The following ATG2B variants were observed in gnomAD, a reference collection of about 807,000 sequenced individuals.
ATG2B encodes autophagy-related protein 2 homolog B.
A neutral mutation model predicts 241.3 loss-of-function variants in ATG2B; 121 were observed. The ratio of observed to expected loss-of-function variants is 0.50; its 90% CI spans 0.43 to 0.58. The LOEUF (loss-of-function observed/expected upper bound fraction) is 0.58, where lower values mean the gene tolerates loss of function less well. Among genes scored for constraint, ATG2B ranks in the 20% least tolerant of loss-of-function variants. The pLI, the probability that ATG2B is intolerant of heterozygous loss-of-function variation, is 0.00. For missense variants in ATG2B, 2,306 were observed against 2,491.6 expected, an observed-to-expected ratio of 0.93 and a Z score of 1.59; for synonymous variants, 858 against 876.6, an observed-to-expected ratio of 0.98 and a Z score of 0.37.
rs1457928679 is a variant in ATG2B at position 96,284,146 on chromosome 14, G to C, written c.*1609C>G. 12 of 152,144 alleles carry C rather than the reference G, an allele frequency of 7.9e-5. No homozygotes were observed. The highest frequency in any genetic ancestry group is 7.9e-4 in the Admixed American group (12 of 15,266). The allele number at this position is 152,144 out of a possible 1,614,324, so 9.4% of individuals were successfully genotyped here. ...AATGGAAAATGCTGGCATCTGAGCG[G>C]GGTGGTCAGAACGCACCCCACAGCC... On this transcript the variant is annotated 3_prime_UTR_variant, in exon 42 of 42. Transcript: ENST00000359933.
At chr14:96,329,427 T>C in intron 12 of ATG2B, 57 bp downstream of exon 12, 1 of 1,311,836 alleles carries the variant, frequency 7.6e-7, no homozygotes, top group Non-Finnish European at 1.0e-6. Flanking sequence ...CATACAATCA[T>C]TAAAAAGCAA....
intron 25 of ATG2B, 39 bp from the exon 26 acceptor site, chr14:96,312,198 A>G: frequency 6.9e-7 from 1 of 1,446,528 alleles, no homozygotes; most frequent in Non-Finnish European, 9.6e-7. Flanking sequence ...TGAAAAACTA[A>G]GCTTTGAGTA....
intron 34 of ATG2B, among the ~76,000 whole-genome samples, chr14:96,297,377 C>T (rs1595295529): frequency 6.6e-6 from 1 of 151,468 alleles, no homozygotes; most frequent in Non-Finnish European, 1.5e-5. Flanking sequence ...TAAAGAGATG[C>T]TAATCACCAG....
At chr14:96,327,279 G>A (rs1484932922) in intron 14 of ATG2B, among the ~76,000 whole-genome samples, 1 of 151,786 alleles carries the variant, frequency 6.6e-6, no homozygotes, top group Non-Finnish European at 1.5e-5. Context: ...ATGCTAATTT[G>A]ATGTGAATAC....
chr14:96,325,548 G>A, intron 15 of ATG2B, 101 bp downstream of exon 15: 1 of 1,051,032 alleles, frequency 9.5e-7, no homozygotes, highest in African/African-American at 1.6e-5. Context: ...TTCTTTAATT[G>A]TACTATATTG....
Position 96,309,592 on chromosome 14 carries a change from T to C in ATG2B, c.4164A>G (p.Val1388=), listed in dbSNP as rs1489167525. ...KPGAFQRRSK[V]DSSGRSSSRG... ...GTGAGGATGATCGACCACTGGAATC[T>C]ACCTATAGCCAAAAAACCTAATTAA... Residue 1388 remains valine (V), a splice_region_variant and synonymous_variant, in exon 29 of 42, where the codon GTA becomes GTG. Coordinates refer to ENST00000359933, the MANE Select transcript of ATG2B (RefSeq NM_018036.7). 1 of 1,604,570 alleles carries C rather than the reference T, an allele frequency of 6.2e-7. No homozygotes were observed. The highest frequency in any genetic ancestry group is 1.7e-5 in the Admixed American group (1 of 58,038).
At chr14:96,350,430 AC>A (rs1242985652) in intron 1 of ATG2B, among the ~76,000 whole-genome samples, 3 of 152,248 alleles carry the variant, frequency 2.0e-5, no homozygotes, top group Non-Finnish European at 2.9e-5. Context: ...ACAAAAGCTA[AC>A]AAGAAGTCAA....
At chr14:96,293,102 A>C (rs1478204818) in intron 36 of ATG2B, 1 of 152,252 alleles carries the variant, frequency 6.6e-6, no homozygotes, top group Non-Finnish European at 1.5e-5. Flanking sequence ...TAACAAAATG[A>C]TCTGGCTTCC....
At chr14:96,334,009 A>G in intron 7 of ATG2B, 136 bp from the exon 8 acceptor site, 1 of 722,974 alleles carries the variant, frequency 1.4e-6, no homozygotes, top group Non-Finnish European at 2.3e-6. Flanking sequence ...TTAGTGAGTC[A>G]GAGCTCTAAG....
rs1420740240 is a variant in ATG2B at position 96,347,279 on chromosome 14, C to A, written c.225G>T (p.Gln75His). 2 of 1,611,444 alleles carry A rather than the reference C, an allele frequency of 1.2e-6. No individual in the cohort carries two copies. Among genetic ancestry groups the A allele is most frequent in the Non-Finnish European group, 8.5e-7 (1 of 1,177,930 alleles). ...APLEVTEGFI[Q>H]SISLSVPWGS... Reference sequence around the variant, plus strand: ...CCCATGGAACTGACAGGGAAATTGACTGAATGAATCCTTCAGTGACTTCTA... The same window carrying A: ...CCCATGGAACTGACAGGGAAATTGAATGAATGAATCCTTCAGTGACTTCTA... Residue 75 changes from glutamine to histidine, a missense_variant, in exon 2 of 42, where the codon CAG becomes CAT. This residue lies in a region of ATG2B where 1,927 missense variants were observed against 2,011.2 expected (regional missense o/e 0.96). Transcript: ENST00000359933.
chr14:96,342,701 G>A (rs370452702), intron 5 of ATG2B, among the ~76,000 whole-genome samples: 10 of 132,936 alleles, frequency 7.5e-5, no homozygotes, highest in Admixed American at 3.3e-4. Flanking sequence ...CAGCCTGGGC[G>A]ACAAGAGACT....
intron 1 of ATG2B, among the ~76,000 whole-genome samples, chr14:96,358,103 C>T (rs1888526700): frequency 6.6e-6 from 1 of 152,080 alleles, no homozygotes; most frequent in Non-Finnish European, 1.5e-5. Context: ...TAAAGTTAAA[C>T]CTCTAAATAC....
At chr14:96,351,556 T>C (rs370322408) in intron 1 of ATG2B, among the ~76,000 whole-genome samples, 7 of 152,032 alleles carry the variant, frequency 4.6e-5, no homozygotes, top group African/African-American at 1.7e-4. Context: ...GCCAACATGG[T>C]GAAACCCTGT....
intron 1 of ATG2B, among the ~76,000 whole-genome samples, chr14:96,351,691 G>A (rs371942944): frequency 1.7e-4 from 25 of 150,806 alleles, no homozygotes; most frequent in African/African-American, 4.6e-4. Flanking sequence ...AGCCGAAATC[G>A]CGCCACTGCA....
chr14:96,293,132 T>C (rs979680839), intron 36 of ATG2B: 1 of 152,234 alleles, frequency 6.6e-6, no homozygotes, highest in Non-Finnish European at 1.5e-5. Context: ...CTGCAAACAA[T>C]GTTTGGAACT....
intron 34 of ATG2B, among the ~76,000 whole-genome samples, chr14:96,298,324 G>A (rs1305757376): frequency 6.6e-6 from 1 of 152,144 alleles, no homozygotes. Context: ...CTATTGGTGG[G>A]AATATGCAAT....
rs749603609 is a variant in ATG2B, at chr14:96,334,509, G to C, written c.925-8C>G. 8.0e-7 allele frequency: 1 copy of C among 1,244,758 alleles called. No homozygotes were observed. The allele number at this position is 1,244,758 out of a possible 1,614,324, so 77.1% of individuals were successfully genotyped here. ...CTGTCCATCAACATCCAACTTAAGGGAAAAAAAAAAACTATTCATGAGGAG... is the reference window on the plus strand; with the variant it reads ...CTGTCCATCAACATCCAACTTAAGGCAAAAAAAAAAACTATTCATGAGGAG... On this transcript the variant is annotated splice_region_variant and splice_polypyrimidine_tract_variant and intron_variant, in intron 6 of 41. Coordinates refer to ENST00000359933, the MANE Select transcript of ATG2B (RefSeq NM_018036.7).
intron 36 of ATG2B, among the ~76,000 whole-genome samples, chr14:96,293,821 T>C (rs1001993634): frequency 6.6e-6 from 1 of 152,022 alleles, no homozygotes; most frequent in African/African-American, 2.4e-5. Context: ...TTTTTAAACG[T>C]AAATAAATGG....
chr14:96,311,264 G>A lies in ATG2B; in HGVS notation c.4014C>T (p.His1338=). Residue 1338 remains histidine, a synonymous_variant, in exon 28 of 42, where the codon CAC becomes CAT. Transcript: ENST00000359933. ...GEQTEPRFEL[H]CSSDVVHIRT... is the part of the protein sequence containing the mutation. ...TGATATGGACAACATCGCTGGAACAGTGTAACTCAAAGCGGGGCTCAGTCT... is the reference window on the plus strand; with the variant it reads ...TGATATGGACAACATCGCTGGAACAATGTAACTCAAAGCGGGGCTCAGTCT... 6.2e-7 allele frequency: 1 copy of A among 1,613,414 alleles called. No homozygotes were observed. Among genetic ancestry groups the A allele is most frequent in the South Asian group, 1.1e-5 (1 of 90,910 alleles).
Sources: allele counts gnomAD v4.1 joint callset (sites outside exome capture counted in the v4.1 genomes callset), GRCh38; gene constraint gnomAD v4.1.1; regional missense constraint gnomAD v4.1.1; transcripts MANE v1.5; gene names NCBI Gene and HGNC (gene_info 2026-07-23, HGNC 2026-07-21).